Variants in ARMH4 observed in about 807,000 individuals in gnomAD.
The protein encoded by ARMH4 is armadillo like helical domain containing 4.
A neutral mutation model predicts 61.9 loss-of-function variants in ARMH4; 49 were observed. The observed-to-expected ratio is 0.79, with a 90% CI of 0.63 to 1.00. The LOEUF (loss-of-function observed/expected upper bound fraction) is 1.00. Among genes scored for constraint, ARMH4 ranks in the 50% least tolerant of loss-of-function variants. The probability of loss-of-function intolerance (pLI) is 0.00; values close to 1 mark genes in which losing one functional copy is unlikely to be tolerated. For missense variants in ARMH4, 934 were observed against 930.0 expected (o/e 1.00, Z -0.06); for synonymous variants, 368 against 341.5 (o/e 1.08, Z -0.85).
chr14:58,005,019 A>G, intron 7 of ARMH4, 29 bp downstream of exon 7: 1 of 1,613,576 alleles, frequency 6.2e-7, no homozygotes, highest in East Asian at 2.2e-5. Flanking sequence ...TCTGAAACTG[A>G]TTAGGTTTTG....
intron 4 of ARMH4, among the ~76,000 whole-genome samples, chr14:58,125,813 G>A (rs1044941796): frequency 5.9e-5 from 9 of 152,286 alleles, no homozygotes; most frequent in Middle Eastern, 3.4e-3. Context: ...TGTTGAGAGC[G>A]GGGACTGAGA....
rs115309130 is a variant in ARMH4, at chr14:58,131,329, C to T, written c.1831+183G>A. On this transcript the variant is annotated intron_variant, in intron 4 of 7. Transcript: ENST00000267485. ...TTTCAATCATTTCAAAATGTAAAAA[C>T]CATTCTTAGCTTACAAACCATTCAA... 592 of 488,812 alleles carry T rather than the reference C, an allele frequency of 1.2e-3. 1 individual carries two copies. Among genetic ancestry groups the T allele is most frequent in the African/African-American group, 0.011 (555 of 51,146 alleles). 30.3% of individuals were successfully genotyped at this position (488,812 alleles called of 1,614,324 possible).
intron 5 of ARMH4, among the ~76,000 whole-genome samples, chr14:58,044,531 A>T (rs1217144610): frequency 2.0e-5 from 3 of 152,246 alleles, no homozygotes; most frequent in Non-Finnish European, 4.4e-5. Flanking sequence ...AACCTAGGCA[A>T]TACCATTCAG....
intron 4 of ARMH4, among the ~76,000 whole-genome samples, chr14:58,117,956 G>A (rs1025532802): frequency 5.3e-5 from 8 of 151,886 alleles, no homozygotes; most frequent in African/African-American, 1.4e-4. Context: ...TACAGGTGGA[G>A]TCTCACTATG....
chr14:58,122,208 A>C (rs1236486694), intron 4 of ARMH4, among the ~76,000 whole-genome samples: 2 of 152,240 alleles, frequency 1.3e-5, no homozygotes. Context: ...CTTTAACATC[A>C]TATACCACAC....
intron 4 of ARMH4, among the ~76,000 whole-genome samples, chr14:58,109,342 T>C (rs1886270926): frequency 6.6e-6 from 1 of 152,228 alleles, no homozygotes; most frequent in East Asian, 1.9e-4. Flanking sequence ...TAGTTTTTTC[T>C]ATATGGACAA....
chr14:58,045,668 T>C (rs896889611), intron 5 of ARMH4, among the ~76,000 whole-genome samples: 1 of 150,810 alleles, frequency 6.6e-6, no homozygotes. Context: ...TAAAAATATA[T>C]GTTGATGGCT....
intron 5 of ARMH4, among the ~76,000 whole-genome samples, chr14:58,083,453 T>A (rs1885290340): frequency 1.3e-5 from 2 of 152,088 alleles, no homozygotes; most frequent in Admixed American, 6.6e-5. Context: ...CATGGTGGCG[T>A]GTGCCTGTAG....
At chr14:58,148,734 ATGT>A (rs1340157454) in intron 1 of ARMH4, among the ~76,000 whole-genome samples, 4 of 152,070 alleles carry the variant, frequency 2.6e-5, no homozygotes, top group African/African-American at 9.7e-5. Context: ...GTCTACTTGT[ATGT>A]TTTATTCAAT....
intron 4 of ARMH4, among the ~76,000 whole-genome samples, chr14:58,103,569 A>G (rs1886072717): frequency 1.3e-5 from 2 of 150,342 alleles, no homozygotes; most frequent in African/African-American, 4.9e-5. Flanking sequence ...TTCCTCCTAT[A>G]AACAGGAACT....
intron 5 of ARMH4, among the ~76,000 whole-genome samples, chr14:58,057,458 TA>T (rs1363913933): frequency 6.6e-6 from 1 of 152,194 alleles, no homozygotes; most frequent in Non-Finnish European, 1.5e-5. Flanking sequence ...ATGAATTAAT[TA>T]AGTCATATAA....
Position 58,004,647 on chromosome 14 carries a change from G to A in ARMH4, c.*89C>T. ...GGACTAACGGCCTGATAGCAGCAAT[G>A]TGGCAGGTTGTTCTTTTTTTTTTTC... On this transcript the variant is annotated 3_prime_UTR_variant, in exon 8 of 8. Coordinates refer to ENST00000267485, the MANE Select transcript of ARMH4 (RefSeq NM_001001872.4). 1 of 1,113,986 alleles carries A rather than the reference G, an allele frequency of 9.0e-7. No homozygotes were observed. Among genetic ancestry groups the A allele is most frequent in the South Asian group, 1.4e-5 (1 of 72,094 alleles). The allele number at this position is 1,113,986 out of a possible 1,614,324, so 69.0% of individuals were successfully genotyped here. A position where few individuals can be genotyped will look rare whatever the true frequency, so the allele number is the denominator to read the frequency against.
rs1022584694 is a variant in ARMH4, at chr14:58,005,112, G to A, written c.2192C>T (p.Ala731Val). ...GIAGALFILG[A>V]LYSIKVMNRR... ...ATTCATAACCTTAATGCTGTAGAGGGCTCCCAAGATGAACAAGGCTCCAGC... is the reference window on the plus strand; with the variant it reads ...ATTCATAACCTTAATGCTGTAGAGGACTCCCAAGATGAACAAGGCTCCAGC... The change falls in exon 7 of 8, where the codon GCC becomes GTC. Residue 731 changes from alanine to valine, a missense_variant. By Grantham distance (64) the Ala-to-Val change is moderately conservative. Transcript: ENST00000267485. 1.9e-6 allele frequency: 3 copies of A among 1,613,962 alleles called. No homozygotes were observed. In the African/African-American group the frequency reaches 4.0e-5, roughly 22 times the overall value.
rs1224648417 is a variant in ARMH4, at chr14:58,138,999, G to C, written c.360C>G (p.Pro120=). The change falls in exon 2 of 8, where the codon CCC becomes CCG. Residue 120 remains proline, a synonymous_variant. Coordinates refer to ENST00000267485, the MANE Select transcript of ARMH4 (RefSeq NM_001001872.4). The part of the protein sequence containing the change: ...GVSTPTESGV[P]SAEEVFGSSQ... ...TGGAACCAAATACTTCTTCAGCTGA[G>C]GGGACACCTGACTCAGTAGGTGTGG... is the stretch of plus-strand genomic sequence containing the variant. 6.2e-7 allele frequency: 1 copy of C among 1,614,216 alleles called. No individual in the cohort carries two copies. The highest frequency in any genetic ancestry group is 8.5e-7 in the Non-Finnish European group (1 of 1,180,042).
chr14:58,097,959 C>A (rs1014433650), intron 4 of ARMH4, among the ~76,000 whole-genome samples: 1 of 152,112 alleles, frequency 6.6e-6, no homozygotes, highest in Non-Finnish European at 1.5e-5. Context: ...TGTTAATTTC[C>A]TAGTAATACT....
rs143126848 is a variant in ARMH4 at position 58,004,872 on chromosome 14, C to T, written c.2257-68G>A. ...AGAGCAAAGCTGAGAAACAGGCCCA[C>T]TTTAAAAGACATGCTAACAAACGAA... On this transcript the variant is annotated intron_variant, in intron 7 of 7. Transcript: ENST00000267485. The T allele has an allele frequency of 1.3e-3, 1,954 of 1,547,952 alleles. 5 individuals carry two copies. The highest frequency in any genetic ancestry group is 2.7e-3 in the South Asian group (236 of 88,448).
intron 5 of ARMH4, among the ~76,000 whole-genome samples, chr14:58,030,331 T>C (rs1461639319): frequency 6.6e-6 from 1 of 152,232 alleles, no homozygotes; most frequent in Admixed American, 6.5e-5. Flanking sequence ...GAAGTCCTCT[T>C]ACTGAAACAA....
At chr14:58,023,173 T>G (rs898367707) in intron 5 of ARMH4, among the ~76,000 whole-genome samples, 1 of 152,224 alleles carries the variant, frequency 6.6e-6, no homozygotes, top group African/African-American at 2.4e-5. Flanking sequence ...CTGCATTGAA[T>G]GAGTCTTCAT....
intron 5 of ARMH4, among the ~76,000 whole-genome samples, chr14:58,095,638 G>A (rs1289590940): frequency 2.0e-5 from 3 of 152,138 alleles, no homozygotes; most frequent in African/African-American, 7.2e-5. Flanking sequence ...TCTGTCCACT[G>A]GAAGCCCATC....
Sources: allele counts gnomAD v4.1 joint callset (sites outside exome capture counted in the v4.1 genomes callset), GRCh38; gene constraint gnomAD v4.1.1; transcripts MANE v1.5; gene names NCBI Gene and HGNC (gene_info 2026-07-23, HGNC 2026-07-21).